Variants in ALLC observed in about 807,000 individuals in gnomAD.
The protein encoded by ALLC is allantoicase, also known as probable inactive allantoicase.
In ALLC, 40 loss-of-function variants were observed where a neutral mutation model predicts 45.0. That is an observed-to-expected ratio of 0.89 (90% CI 0.69 to 1.16). The LOEUF (loss-of-function observed/expected upper bound fraction) is 1.16, where lower values mean the gene tolerates loss of function less well. ALLC is among the 50% of genes most tolerant of loss of function. The probability of loss-of-function intolerance (pLI) is 0.00; values close to 1 mark genes in which losing one functional copy is unlikely to be tolerated. For synonymous variants in ALLC, 176 were observed against 178.1 expected (o/e 0.99, Z 0.09); for missense variants, 488 against 493.1 (o/e 0.99, Z 0.10).
At chr2:3,667,695 C>T (rs773105200) in intron 1 of ALLC, among the ~76,000 whole-genome samples, 5 of 152,216 alleles carry the variant, frequency 3.3e-5, no homozygotes, top group Non-Finnish European at 7.3e-5. Context: ...TCACTAAGGA[C>T]ACACTGGTGA....
intron 10 of ALLC, among the ~76,000 whole-genome samples, chr2:3,697,704 C>T (rs1667718478): frequency 6.6e-6 from 1 of 151,814 alleles, no homozygotes; most frequent in Non-Finnish European, 1.5e-5. Flanking sequence ...CTTGCTGTGT[C>T]GCCCAGCCTG....
chr2:3,680,129 T>A lies in ALLC; in HGVS notation c.298+135T>A. 8.0e-7 allele frequency: 1 copy of A among 1,251,154 alleles called. No homozygotes were observed. Among genetic ancestry groups the A allele is most frequent in the Non-Finnish European group, 1.1e-6 (1 of 893,394 alleles). The allele number at this position is 1,251,154 out of a possible 1,614,324, so 77.5% of individuals were successfully genotyped here. ...GCGCTTGACTAAGGCTACTTTACTG[T>A]AACGGGGCTGTAGGACCAGGACTCC... On this transcript the variant is annotated intron_variant, in intron 5 of 11. Transcript: ENST00000252505. This position sits in a 1 kb window ranked among gnomAD's most constrained non-coding sequence, Gnocchi z 4.0.
At chr2:3,650,696 TGG>T in the ALLC span, among the ~76,000 whole-genome samples, 1 of 152,124 alleles carries the variant, frequency 6.6e-6, no homozygotes, top group African/African-American at 2.4e-5. Flanking sequence ...GCGAGGAGCT[TGG>T]GTACAAACAC....
intron 2 of ALLC, among the ~76,000 whole-genome samples, chr2:3,671,460 G>A (rs1380218010): frequency 1.3e-5 from 2 of 152,276 alleles, no homozygotes; most frequent in African/African-American, 4.8e-5. Context: ...CGGTCCTCTA[G>A]CTCTAGTTAG....
chr2:3,688,289 A>G (rs942743709), intron 7 of ALLC: 5 of 166,146 alleles, frequency 3.0e-5, no homozygotes, highest in African/African-American at 9.6e-5. Context: ...GGGGATATGG[A>G]ACACCATGCT....
At chr2:3,666,688 C>T (rs1486096667) in intron 1 of ALLC, among the ~76,000 whole-genome samples, 4 of 152,246 alleles carry the variant, frequency 2.6e-5, no homozygotes, top group East Asian at 1.9e-4. Flanking sequence ...GATGCTGCTA[C>T]GAGCTCTGTG....
intron 3 of ALLC, 75 bp downstream of exon 3, chr2:3,674,200 C>T: frequency 8.8e-7 from 1 of 1,139,636 alleles, no homozygotes; most frequent in South Asian, 1.4e-5. Context: ...TTAAAATCTC[C>T]CTGTATATTT....
At chr2:3,651,586 C>T in the ALLC span, among the ~76,000 whole-genome samples, 3 of 151,874 alleles carry the variant, frequency 2.0e-5, no homozygotes, top group African/African-American at 4.8e-5. Flanking sequence ...ACGTTGTGTC[C>T]CTGCGGTGAC....
chr2:3,660,897 G>A (rs1035887046), intron 1 of ALLC, among the ~76,000 whole-genome samples: 4 of 152,076 alleles, frequency 2.6e-5, no homozygotes, highest in African/African-American at 9.7e-5. Context: ...TCAGGGTGGA[G>A]CAGGTGATCA....
chr2:3,700,312 C>T (rs1667791003), intron 10 of ALLC, among the ~76,000 whole-genome samples: 1 of 152,018 alleles, frequency 6.6e-6, no homozygotes, highest in South Asian at 2.1e-4. Context: ...GTTATGTGGC[C>T]ATGGTTTTTA....
At chr2:3,653,551 G>A (rs1170156824), upstream of ALLC, among the ~76,000 whole-genome samples, 1 of 152,130 alleles carries the variant, frequency 6.6e-6, no homozygotes, top group Non-Finnish European at 1.5e-5. The surrounding 1 kb of genome is among the most constrained non-coding windows in gnomAD (Gnocchi z 4.1). Flanking sequence ...GCTGGGGTAG[G>A]TCCTTCTGCT....
rs904249130 is a variant in ALLC, at chr2:3,680,876, A to T, written c.299-758A>T. On this transcript the variant is annotated intron_variant, in intron 5 of 11. Coordinates refer to ENST00000252505, the MANE Select transcript of ALLC (RefSeq NM_018436.4). This position sits in a 1 kb window ranked among gnomAD's most constrained non-coding sequence, Gnocchi z 4.0. ...GGACGTGTTCACAGGATTGAGGCTAATCAGACATTGACATGGCAGATTCGC... is the reference window on the plus strand; with the variant it reads ...GGACGTGTTCACAGGATTGAGGCTATTCAGACATTGACATGGCAGATTCGC... 6.6e-5 allele frequency among the ~76,000 whole-genome samples: 10 copies of T among 152,210 alleles called. No individual in the cohort carries two copies. The highest frequency in any genetic ancestry group is 2.9e-5 in the Non-Finnish European group (2 of 68,038).
In ALLC at chr2:3,659,785, C is replaced by T. The variant is rs191918517; in HGVS notation, c.-63+1491C>T. ...CAGCTCTTGGCTGCCTGGAATCTCT[C>T]GGGAACCTCCACGGGGCCCTGCACA... is the stretch of plus-strand genomic sequence containing the variant. On this transcript the variant is annotated intron_variant, in intron 1 of 11. Coordinates refer to ENST00000252505, the MANE Select transcript of ALLC (RefSeq NM_018436.4). Among the ~76,000 whole-genome samples, 22 of 152,316 alleles carry T rather than the reference C, an allele frequency of 1.4e-4. No individual in the cohort carries two copies. In the East Asian group the frequency reaches 3.7e-3, roughly 25 times the overall value.
intron 2 of ALLC, among the ~76,000 whole-genome samples, chr2:3,672,646 A>T (rs1466309771): frequency 9.6e-6 from 1 of 103,934 alleles, no homozygotes; most frequent in African/African-American, 4.1e-5. Context: ...GTTAGATGGG[A>T]GGTCCTCTGG....
the ALLC span, among the ~76,000 whole-genome samples, chr2:3,646,905 G>T: frequency 6.6e-6 from 1 of 151,476 alleles, no homozygotes; most frequent in South Asian, 2.1e-4. Flanking sequence ...TGCTGTGTTT[G>T]TGTGTTGGGG....
intron 7 of ALLC, among the ~76,000 whole-genome samples, chr2:3,692,835 G>T (rs1280642078): frequency 1.3e-5 from 2 of 152,156 alleles, no homozygotes; most frequent in Non-Finnish European, 2.9e-5. Flanking sequence ...ATGAGAATGG[G>T]TCACTGTGGC....
At chr2:3,651,146 T>TGG in the ALLC span, among the ~76,000 whole-genome samples, 1 of 152,004 alleles carries the variant, frequency 6.6e-6, no homozygotes, top group Non-Finnish European at 1.5e-5. Context: ...ACACACAGCC[T>TGG]GGGGCTGCCC....
In ALLC at chr2:3,695,543, A is replaced by G; in HGVS notation, c.512-174A>G. On this transcript the variant is annotated intron_variant, in intron 7 of 11. Coordinates refer to ENST00000252505, the MANE Select transcript of ALLC (RefSeq NM_018436.4). ...TGGGAAAGTTGTTCTGGTACAGGGT[A>G]ATATCAAGTGCAAAGGCCCTGGGGC... The G allele has an allele frequency of 6.2e-6, 4 of 641,024 alleles. No homozygotes were observed. The Middle Eastern group carries it at 1.0e-3, about 161-fold the overall frequency. 39.7% of individuals were successfully genotyped at this position (641,024 alleles called of 1,614,324 possible). A position where few individuals can be genotyped will look rare whatever the true frequency, so the allele number is the denominator to read the frequency against.
At chr2:3,671,481 C>G (rs955930565) in intron 2 of ALLC, among the ~76,000 whole-genome samples, 1 of 152,274 alleles carries the variant, frequency 6.6e-6, no homozygotes, top group Non-Finnish European at 1.5e-5. Flanking sequence ...ATCTGAGGTC[C>G]TCTAGCTGGA....
Sources: gnomAD v4.1 joint callset for allele counts (sites outside exome capture counted in the v4.1 genomes callset) on GRCh38, gnomAD v4.1.1 for gene constraint, Gnocchi (gnomAD v3.1) non-coding constraint, MANE v1.5 for transcripts, NCBI Gene and HGNC (gene_info 2026-07-23, HGNC 2026-07-21) for gene names.